The following ZNF292 variants were observed in gnomAD, a reference collection of about 807,000 sequenced individuals.
The protein encoded by ZNF292 is 16 zinc-finger domain protein.
Under a neutral mutation model 217.9 loss-of-function variants are expected in ZNF292, and 26 were observed. That is an observed-to-expected ratio of 0.12 (90% CI 0.09 to 0.17). The LOEUF is 0.17. Ranked by LOEUF, ZNF292 falls within the 10% of genes least tolerant of loss-of-function variation. The probability of loss-of-function intolerance (pLI) is 1.00; values close to 1 mark genes in which losing one functional copy is unlikely to be tolerated. For synonymous variants in ZNF292, 1,257 were observed against 1,124.1 expected (o/e 1.12, Z -2.37); for missense variants, 2,904 against 3,175.2 (o/e 0.91, Z 2.05).
chr6:87,206,592 A>T (rs185969551), intron 1 of ZNF292, among the ~76,000 whole-genome samples: 2 of 152,344 alleles, frequency 1.3e-5, no homozygotes, highest in African/African-American at 4.8e-5. Context: ...CAGGAAATGT[A>T]ATATTGACAC....
rs1427575489 is a variant in ZNF292, at chr6:87,263,828, A to G, written c.*2027A>G. On this transcript the variant is annotated 3_prime_UTR_variant, in exon 8 of 8. Coordinates refer to ENST00000369577, the MANE Select transcript of ZNF292 (RefSeq NM_015021.3). Reference sequence around the variant, plus strand: ...AGCTCTTAAAGGTGGGCACTTGGCAAAACTGCCCTATATAGCACAGTAGCA... The same window carrying G: ...AGCTCTTAAAGGTGGGCACTTGGCAGAACTGCCCTATATAGCACAGTAGCA... The G allele has an allele frequency of 1.3e-5, 2 of 152,134 alleles. No individual in the cohort carries two copies. The highest frequency in any genetic ancestry group is 2.9e-5 in the Non-Finnish European group (2 of 67,984). 9.4% of individuals were successfully genotyped at this position (152,134 alleles called of 1,614,324 possible). A position where few individuals can be genotyped will look rare whatever the true frequency, so the allele number is the denominator to read the frequency against.
At chr6:87,190,086 C>T (rs1374093883) in intron 1 of ZNF292, among the ~76,000 whole-genome samples, 1 of 152,086 alleles carries the variant, frequency 6.6e-6, no homozygotes, top group Non-Finnish European at 1.5e-5. Context: ...TGATATATTC[C>T]CTAACCTTTG....
chr6:87,211,025 A>G (rs1208467200), intron 1 of ZNF292, among the ~76,000 whole-genome samples: 3 of 152,258 alleles, frequency 2.0e-5, no homozygotes, highest in Non-Finnish European at 2.9e-5. Context: ...TGTGCACATC[A>G]AAACATCCAT....
At chr6:87,173,022 G>T (rs1365487714) in intron 1 of ZNF292, among the ~76,000 whole-genome samples, 1 of 151,794 alleles carries the variant, frequency 6.6e-6, no homozygotes, top group Non-Finnish European at 1.5e-5. Flanking sequence ...ATGTAATATT[G>T]TATTATAATT....
At chr6:87,240,965 C>T (rs115968685) in intron 5 of ZNF292, among the ~76,000 whole-genome samples, 9 of 152,308 alleles carry the variant, frequency 5.9e-5, no homozygotes, top group African/African-American at 1.7e-4. Context: ...AAGAACTTAA[C>T]GCTTAGGCCT....
chr6:87,189,855 G>A (rs1366057570), intron 1 of ZNF292, among the ~76,000 whole-genome samples: 2 of 152,158 alleles, frequency 1.3e-5, no homozygotes, highest in Admixed American at 6.5e-5. Context: ...TAAGAGGTTA[G>A]GCTGTTTCCT....
chr6:87,258,273 C>T lies in ZNF292; in HGVS notation c.4644C>T (p.Thr1548=). 1.9e-6 allele frequency: 3 copies of T among 1,613,298 alleles called. No homozygotes were observed. Among genetic ancestry groups the T allele is most frequent in the Non-Finnish European group, 2.5e-6 (3 of 1,179,646 alleles). ...HTVCHPNTLL[T]NQNRTSNSKT... is the part of the protein sequence containing the mutation. ...TATGCCATCCAAACACCTTGCTGAC[C>T]AACCAGAATAGGACGTCAAACTCCA... Residue 1548 remains threonine, a synonymous_variant, in exon 8 of 8, where the codon ACC becomes ACT. Coordinates refer to ENST00000369577, the MANE Select transcript of ZNF292 (RefSeq NM_015021.3).
chr6:87,175,524 A>G (rs145479140), intron 1 of ZNF292, among the ~76,000 whole-genome samples: 181 of 152,204 alleles, frequency 1.2e-3, no homozygotes, highest in African/African-American at 4.3e-3. Flanking sequence ...TTTTTTGTAG[A>G]GACAGTGTCT....
In ZNF292 at chr6:87,155,779, C is replaced by T. The variant is rs772382289; in HGVS notation, c.168+20C>T. 3 of 1,572,598 alleles carry T rather than the reference C, an allele frequency of 1.9e-6. No individual in the cohort carries two copies. Among genetic ancestry groups the T allele is most frequent in the South Asian group, 1.2e-5 (1 of 85,736 alleles). ...TGCCAGGTGAGGGCGCCCGGTGGTC[C>T]CCTCCCCCTTTCCCCAGCTAGAGGG... On this transcript the variant is annotated intron_variant, in intron 1 of 7. Transcript: ENST00000369577.
At chr6:87,171,377 G>A (rs1376060853) in intron 1 of ZNF292, among the ~76,000 whole-genome samples, 1 of 151,808 alleles carries the variant, frequency 6.6e-6, no homozygotes, top group African/African-American at 2.4e-5. Context: ...GGACTTCAGG[G>A]TTGTGGTTTT....
At chr6:87,215,185 C>G (rs1416349141) in intron 1 of ZNF292, 1 of 151,392 alleles carries the variant, frequency 6.6e-6, no homozygotes, top group East Asian at 1.9e-4. Flanking sequence ...CTTATCTTTC[C>G]ATTATCTCCC....
At chr6:87,204,822 G>A (rs1044326829) in intron 1 of ZNF292, among the ~76,000 whole-genome samples, 3 of 151,700 alleles carry the variant, frequency 2.0e-5, no homozygotes, top group African/African-American at 4.9e-5. Context: ...CCTCAGCCTC[G>A]CAAAGTGCTG....
chr6:87,156,677 C>T (rs903217943), intron 1 of ZNF292, among the ~76,000 whole-genome samples: 1 of 152,206 alleles, frequency 6.6e-6, no homozygotes, highest in Non-Finnish European at 1.5e-5. Flanking sequence ...TGGGTAGTTT[C>T]AAATCTTTTC....
At chr6:87,187,739 G>T (rs910857317) in intron 1 of ZNF292, among the ~76,000 whole-genome samples, 5 of 133,308 alleles carry the variant, frequency 3.8e-5, no homozygotes, top group Non-Finnish European at 6.4e-5. Flanking sequence ...AAAAAAGTTT[G>T]ATATTTGCTG....
At chr6:87,216,471 T>C in intron 3 of ZNF292, 94 bp downstream of exon 3, 1 of 869,332 alleles carries the variant, frequency 1.2e-6, no homozygotes, top group Middle Eastern at 3.2e-4. Flanking sequence ...TTAAGACATC[T>C]CAATAATGAC....
chr6:87,179,646 A>G (rs1268499429), intron 1 of ZNF292, among the ~76,000 whole-genome samples: 1 of 152,158 alleles, frequency 6.6e-6, no homozygotes, highest in Non-Finnish European at 1.5e-5. Context: ...ATTTCGGCTT[A>G]TATAGTTTTT....
chr6:87,169,655 T>C, intron 1 of ZNF292: 1 of 429,820 alleles, frequency 2.3e-6, no homozygotes, highest in African/African-American at 2.0e-5. Context: ...TTTTTTTGTT[T>C]TGTTCTGTTT....
chr6:87,160,987 T>G (rs1770733164), intron 1 of ZNF292, among the ~76,000 whole-genome samples: 1 of 152,146 alleles, frequency 6.6e-6, no homozygotes, highest in African/African-American at 2.4e-5. Flanking sequence ...TTTTTAGTCC[T>G]TCTACTCTTT....
At chr6:87,229,044 T>G (rs1161415564) in intron 4 of ZNF292, among the ~76,000 whole-genome samples, 1 of 152,230 alleles carries the variant, frequency 6.6e-6, no homozygotes, top group African/African-American at 2.4e-5. Context: ...TTATCATCCA[T>G]GAACACAAGA....
Sources: allele counts gnomAD v4.1 joint callset (sites outside exome capture counted in the v4.1 genomes callset), GRCh38; gene constraint gnomAD v4.1.1; transcripts MANE v1.5; gene names NCBI Gene and HGNC (gene_info 2026-07-23, HGNC 2026-07-21).